IMMP2L: variants seen among roughly 807,000 people sequenced by gnomAD.
IMMP2L encodes the protein mitochondrial inner membrane protease subunit 2.
Under a neutral mutation model 19.3 loss-of-function variants are expected in IMMP2L, and 18 were observed. That is an observed-to-expected ratio of 0.93 (90% CI 0.64 to 1.38). IMMP2L has a LOEUF of 1.38. IMMP2L is among the 40% of genes most tolerant of loss of function. The pLI is 0.00. For synonymous variants in IMMP2L, 76 were observed against 73.0 expected, an observed-to-expected ratio of 1.04 and a Z score of -0.21; for missense variants, 233 against 218.2, an observed-to-expected ratio of 1.07 and a Z score of -0.43.
intron 3 of IMMP2L, among the ~76,000 whole-genome samples, chr7:111,220,431 T>C (rs924228912): frequency 1.3e-5 from 2 of 152,032 alleles, no homozygotes; most frequent in African/African-American, 4.8e-5. Context: ...TTTGGAGGCA[T>C]AAAAGCTAGA....
intron 4 of IMMP2L, among the ~76,000 whole-genome samples, chr7:110,948,270 C>A (rs1274226542): frequency 6.6e-6 from 1 of 152,116 alleles, no homozygotes; most frequent in Non-Finnish European, 1.5e-5. Context: ...AGTTTCATAT[C>A]AACATTTAAA....
At chr7:111,107,633 G>A (rs1798693967) in intron 3 of IMMP2L, among the ~76,000 whole-genome samples, 1 of 152,004 alleles carries the variant, frequency 6.6e-6, no homozygotes, top group Admixed American at 6.6e-5. Context: ...TTTAATTGGG[G>A]CACTAGTAAA....
intron 3 of IMMP2L, among the ~76,000 whole-genome samples, chr7:111,062,808 A>G (rs140899802): frequency 6.1e-4 from 93 of 152,342 alleles, no homozygotes; most frequent in Admixed American, 4.4e-3. Context: ...CATGTCTCAC[A>G]ACCAGTTTAC....
chr7:110,794,536 G>A (rs1015365555), intron 5 of IMMP2L, among the ~76,000 whole-genome samples: 14 of 151,918 alleles, frequency 9.2e-5, no homozygotes, highest in Non-Finnish European at 2.1e-4. Context: ...ACTTAAATGC[G>A]ATCATCATAT....
intron 3 of IMMP2L, among the ~76,000 whole-genome samples, chr7:111,373,976 G>GA (rs1262541212): frequency 7.3e-5 from 11 of 149,960 alleles, no homozygotes; most frequent in East Asian, 2.0e-4. Context: ...AATCGTGGAG[G>GA]AAAAAAAAAG....
chr7:111,466,750 G>T (rs1344822193), intron 3 of IMMP2L, among the ~76,000 whole-genome samples: 1 of 151,904 alleles, frequency 6.6e-6, no homozygotes, highest in Admixed American at 6.6e-5. Flanking sequence ...AAACATATTT[G>T]GGAAAAAACT....
chr7:110,834,382 T>C (rs1365200129), intron 5 of IMMP2L, among the ~76,000 whole-genome samples: 2 of 150,218 alleles, frequency 1.3e-5, no homozygotes, highest in African/African-American at 2.5e-5. Flanking sequence ...GTGTGTTATA[T>C]GCAACTTTAT....
At chr7:110,694,657 T>G (rs926981340) in intron 5 of IMMP2L, among the ~76,000 whole-genome samples, 5 of 151,630 alleles carry the variant, frequency 3.3e-5, no homozygotes, top group Non-Finnish European at 5.9e-5. Flanking sequence ...GAGAGAGAGA[T>G]AGAGCGAATT....
At chr7:111,255,493 G>A (rs1253825762) in intron 3 of IMMP2L, among the ~76,000 whole-genome samples, 1 of 151,728 alleles carries the variant, frequency 6.6e-6, no homozygotes, top group Non-Finnish European at 1.5e-5. Flanking sequence ...AGTAACAAGT[G>A]GAAGTTTTTG....
intron 3 of IMMP2L, among the ~76,000 whole-genome samples, chr7:111,034,921 C>A (rs936430772): frequency 5.9e-5 from 9 of 152,226 alleles, no homozygotes; most frequent in Admixed American, 5.2e-4. Flanking sequence ...AAAACCAAAA[C>A]AGACAGATTG....
intron 3 of IMMP2L, among the ~76,000 whole-genome samples, chr7:111,341,635 A>C (rs572770864): frequency 6.6e-6 from 1 of 152,342 alleles, no homozygotes; most frequent in Non-Finnish European, 1.5e-5. Flanking sequence ...CATATGAAAT[A>C]TTTAAACATA....
chr7:111,299,885 T>C (rs570876658), intron 3 of IMMP2L, among the ~76,000 whole-genome samples: 3 of 151,686 alleles, frequency 2.0e-5, no homozygotes, highest in African/African-American at 7.3e-5. Context: ...CAAGCACAAA[T>C]GAACAAGGGC....
At chr7:110,950,012 G>C (rs1399196028) in intron 4 of IMMP2L, among the ~76,000 whole-genome samples, 1 of 152,156 alleles carries the variant, frequency 6.6e-6, no homozygotes, top group East Asian at 1.9e-4. Context: ...TTTTGCTTAT[G>C]TTGCAGGCTG....
At chr7:110,793,146 G>A (rs183956413) in intron 5 of IMMP2L, among the ~76,000 whole-genome samples, 169 of 152,204 alleles carry the variant, frequency 1.1e-3, no homozygotes, top group African/African-American at 3.9e-3. Flanking sequence ...CCAGCTGAGC[G>A]TGATGGCTCA....
intron 5 of IMMP2L, among the ~76,000 whole-genome samples, chr7:110,772,343 C>T (rs1799094876): frequency 6.6e-6 from 1 of 152,114 alleles, no homozygotes; most frequent in Admixed American, 6.5e-5. Flanking sequence ...AGGCTCTTCT[C>T]TGCTGTCTGG....
intron 5 of IMMP2L, among the ~76,000 whole-genome samples, chr7:110,798,028 T>A (rs1423647466): frequency 6.6e-6 from 1 of 151,872 alleles, no homozygotes; most frequent in Non-Finnish European, 1.5e-5. Flanking sequence ...AATGCCAAAG[T>A]ATAAGAAAAG....
intron 3 of IMMP2L, among the ~76,000 whole-genome samples, chr7:111,372,549 G>T (rs1830348206): frequency 6.6e-6 from 1 of 151,958 alleles, no homozygotes; most frequent in Non-Finnish European, 1.5e-5. Context: ...AGAGAAGAGA[G>T]ATGGAGCTGA....
intron 1 of IMMP2L, among the ~76,000 whole-genome samples, chr7:111,531,686 A>G (rs1847408919): frequency 6.6e-6 from 1 of 152,182 alleles, no homozygotes; most frequent in East Asian, 1.9e-4. Context: ...TTAATAGAAA[A>G]GCATAACTGC....
At chr7:111,419,152 G>T (rs768814334) in intron 3 of IMMP2L, among the ~76,000 whole-genome samples, 1 of 151,648 alleles carries the variant, frequency 6.6e-6, no homozygotes, top group Non-Finnish European at 1.5e-5. Context: ...TCCTACAGCT[G>T]TAGAATAATG....
Sources: gnomAD v4.1 joint callset for allele counts (sites outside exome capture counted in the v4.1 genomes callset) on GRCh38, gnomAD v4.1.1 for gene constraint, MANE v1.5 for transcripts, NCBI Gene and HGNC (gene_info 2026-07-23, HGNC 2026-07-21) for gene names.